The following DYNC2I1 variants were observed in gnomAD, a reference collection of about 807,000 sequenced individuals.
DYNC2I1 encodes the protein dynein 2 intermediate chain 1.
In DYNC2I1, 89 loss-of-function variants were observed where a neutral mutation model predicts 133.4. The observed-to-expected ratio is 0.67, with a 90% CI of 0.56 to 0.80. DYNC2I1 has a LOEUF of 0.80. Among genes scored for constraint, DYNC2I1 ranks in the 30% least tolerant of loss-of-function variants. The probability of loss-of-function intolerance (pLI) is 0.00; values close to 1 mark genes in which losing one functional copy is unlikely to be tolerated. For missense variants in DYNC2I1, 1,291 were observed against 1,314.5 expected (o/e 0.98, Z 0.28); for synonymous variants, 504 against 484.3 (o/e 1.04, Z -0.54).
chr7:158,930,498 G>A lies in DYNC2I1; in HGVS notation c.2529G>A (p.Leu843=). 1 of 1,612,966 alleles carries A rather than the reference G, an allele frequency of 6.2e-7. No homozygotes were observed. The highest frequency in any genetic ancestry group is 2.2e-5 in the East Asian group (1 of 44,872). ...GGRVKLVHSA[L]IQLGDSLSHK... ...GGGTCAAGCTGGTACATAGTGCTCT[G>A]ATCCAGTTGGGTGACAGGTAAGATG... The change falls in exon 21 of 25, where the codon CTG becomes CTA. Residue 843 remains leucine, a synonymous_variant. Coordinates refer to ENST00000407559, the MANE Select transcript of DYNC2I1 (RefSeq NM_018051.5).
chr7:158,943,584 G>A (rs1001557313), intron 24 of DYNC2I1, among the ~76,000 whole-genome samples: 6 of 152,180 alleles, frequency 3.9e-5, no homozygotes, highest in Admixed American at 2.6e-4. Context: ...GGGCAGGGGC[G>A]GGTAGCACAC....
intron 21 of DYNC2I1, among the ~76,000 whole-genome samples, chr7:158,932,085 G>A (rs1850274311): frequency 6.6e-6 from 1 of 152,114 alleles, no homozygotes; most frequent in Non-Finnish European, 1.5e-5. Context: ...ACGTGGCTGG[G>A]ACTTTGTACC....
At chr7:158,923,331 C>T (rs1299658767) in intron 16 of DYNC2I1, among the ~76,000 whole-genome samples, 3 of 152,176 alleles carry the variant, frequency 2.0e-5, no homozygotes, top group African/African-American at 7.2e-5. Context: ...GTGTCAGCAC[C>T]TTGCGTTTGT....
the DYNC2I1 span, among the ~76,000 whole-genome samples, chr7:158,847,993 G>A: frequency 6.6e-6 from 1 of 152,148 alleles, no homozygotes; most frequent in Non-Finnish European, 1.5e-5. Context: ...AGTATCCAAT[G>A]GACAGTATCT....
chr7:158,883,138 A>G (rs896295598), intron 5 of DYNC2I1, among the ~76,000 whole-genome samples: 1 of 151,844 alleles, frequency 6.6e-6, no homozygotes, highest in Non-Finnish European at 1.5e-5. Flanking sequence ...AGGACAACAG[A>G]TAGAAACTGG....
chr7:158,908,082 A>G (rs754830067), intron 11 of DYNC2I1, among the ~76,000 whole-genome samples: 3 of 151,796 alleles, frequency 2.0e-5, no homozygotes, highest in Non-Finnish European at 4.4e-5. Flanking sequence ...TTGATGATAA[A>G]TAAAAAAGTT....
chr7:158,887,057 TA>T lies in DYNC2I1; in HGVS notation c.975del (p.Asp326IlefsTer37). 1 of 1,613,930 alleles carries T rather than the reference TA, an allele frequency of 6.2e-7. No homozygotes were observed. Among genetic ancestry groups the T allele is most frequent in the Non-Finnish European group, 8.5e-7 (1 of 1,179,822 alleles). On this transcript the variant is annotated frameshift_variant, in exon 7 of 25. Transcript: ENST00000407559. LOFTEE classifies it high-confidence loss of function. ...ENLVRNHGKD[K>X]DSRRKHGHEE... The stretch of plus-strand genomic sequence containing the variant: ...ATTTAGTAAGGAATCATGGAAAAGA[TA>T]AAGATTCAAGACGGAAGGTAAGGCA...
intron 24 of DYNC2I1, among the ~76,000 whole-genome samples, chr7:158,943,684 C>T (rs549586323): frequency 2.1e-4 from 31 of 146,552 alleles, no homozygotes; most frequent in African/African-American, 7.7e-4. Context: ...AAACGTGGCT[C>T]ATAGTGGAGA....
intron 11 of DYNC2I1, among the ~76,000 whole-genome samples, chr7:158,910,532 T>C (rs563990847): frequency 1.3e-5 from 2 of 150,074 alleles, no homozygotes; most frequent in South Asian, 4.2e-4. Context: ...GTCAGGCTTG[T>C]GGGCGGAGCA....
Position 158,889,879 on chromosome 7 carries a change from C to T in DYNC2I1, c.991-1386C>T, listed in dbSNP as rs149349671. ...AATTAGCCGGGTGTGGTGGTGGCCTCCTGTAATCCCAAGCTACTTGGGAGG... is the reference window on the plus strand; with the variant it reads ...AATTAGCCGGGTGTGGTGGTGGCCTTCTGTAATCCCAAGCTACTTGGGAGG... On this transcript the variant is annotated intron_variant, in intron 7 of 24. Coordinates refer to ENST00000407559, the MANE Select transcript of DYNC2I1 (RefSeq NM_018051.5). Among the ~76,000 whole-genome samples the T allele has an allele frequency of 5.6e-3, 845 of 151,960 alleles. 8 individuals carry two copies. Among genetic ancestry groups the T allele is most frequent in the African/African-American group, 0.019 (795 of 41,424 alleles).
At chr7:158,902,635 G>A (rs1406433493) in intron 10 of DYNC2I1, 40 bp downstream of exon 10, 5 of 1,590,250 alleles carry the variant, frequency 3.1e-6, no homozygotes, top group Admixed American at 3.4e-5. Flanking sequence ...CGTGCTCTTA[G>A]GGCTCTGTGT....
chr7:158,848,125 A>G, the DYNC2I1 span, among the ~76,000 whole-genome samples: 4 of 152,194 alleles, frequency 2.6e-5, no homozygotes, highest in East Asian at 1.9e-4. Flanking sequence ...ATGTGATCCA[A>G]TTGCACAAGA....
chr7:158,884,502 T>C, intron 5 of DYNC2I1, 62 bp from the exon 6 acceptor site: 1 of 1,507,274 alleles, frequency 6.6e-7, no homozygotes, highest in Admixed American at 2.0e-5. Flanking sequence ...GGTTTACTAA[T>C]TATGCTTACT....
At chr7:158,849,036 C>G in the DYNC2I1 span, among the ~76,000 whole-genome samples, 7 of 151,992 alleles carry the variant, frequency 4.6e-5, no homozygotes, top group Admixed American at 2.6e-4. Context: ...TAAGAGAAAT[C>G]AAAAGGCAAA....
chr7:158,930,092 A>G (rs1360076018), intron 20 of DYNC2I1, among the ~76,000 whole-genome samples: 2 of 152,198 alleles, frequency 1.3e-5, no homozygotes, highest in Admixed American at 6.5e-5. Context: ...CTCGGTGGAC[A>G]TTCACAGGAC....
At chr7:158,875,090 C>CTT (rs1843228136) in intron 3 of DYNC2I1, among the ~76,000 whole-genome samples, 1 of 100,300 alleles carries the variant, frequency 1.0e-5, no homozygotes, top group African/African-American at 3.9e-5. Flanking sequence ...TTGGTAAATG[C>CTT]CTTTTTTTTT....
intron 4 of DYNC2I1, among the ~76,000 whole-genome samples, chr7:158,879,235 A>G (rs899142614): frequency 6.6e-6 from 1 of 152,088 alleles, no homozygotes; most frequent in African/African-American, 2.4e-5. Context: ...TGACAGTGGA[A>G]TTGAGGAGTG....
At chr7:158,936,185 C>T (rs189589018) in intron 23 of DYNC2I1, among the ~76,000 whole-genome samples, 97 of 152,224 alleles carry the variant, frequency 6.4e-4, no homozygotes, top group Admixed American at 2.6e-3. Context: ...AGCAAAACTC[C>T]GTCTCAAAAC....
Position 158,934,424 on chromosome 7 carries a change from A to G in DYNC2I1, c.2653A>G (p.Ile885Val), listed in dbSNP as rs758378002. ...TTGGGCTTCTTCTTCACAGGGTCTC[A>G]TAAGCCATGGCACAAGACAAGATTT... ...HFIIGTDMGL[I>V]SHGTRQDLRV... The change falls in exon 23 of 25, where the codon ATA (isoleucine) becomes GTA (valine). Residue 885 changes from isoleucine (I) to valine (V), a missense_variant. Coordinates refer to ENST00000407559, the MANE Select transcript of DYNC2I1 (RefSeq NM_018051.5). The G allele has an allele frequency of 6.9e-6, 11 of 1,604,642 alleles. No individual in the cohort carries two copies. The Admixed American group carries it at 1.4e-4, about 20-fold the overall frequency.
Sources: allele counts gnomAD v4.1 joint callset (sites outside exome capture counted in the v4.1 genomes callset), GRCh38; gene constraint gnomAD v4.1.1; transcripts MANE v1.5; gene names NCBI Gene and HGNC (gene_info 2026-07-23, HGNC 2026-07-21).